The following NT5M variants were observed in gnomAD, a reference collection of about 807,000 sequenced individuals.
NT5M encodes 5',3'-nucleotidase, mitochondrial.
Under a neutral mutation model 22.2 loss-of-function variants are expected in NT5M, and 22 were observed. That is an observed-to-expected ratio of 0.99 (90% CI 0.71 to 1.41). The LOEUF (loss-of-function observed/expected upper bound fraction) is 1.41. NT5M is among the 40% of genes most tolerant of loss of function. NT5M has a pLI of 0.00. For synonymous variants in NT5M, 167 were observed against 133.0 expected, an observed-to-expected ratio of 1.26 and a Z score of -1.76; for missense variants, 322 against 314.8, an observed-to-expected ratio of 1.02 and a Z score of -0.17.
chr17:17,335,627 T>C (rs963456867), intron 3 of NT5M, among the ~76,000 whole-genome samples: 1 of 151,512 alleles, frequency 6.6e-6, no homozygotes, highest in African/African-American at 2.4e-5. Context: ...CTTAGTTGTT[T>C]TAAAATGAAC....
intron 3 of NT5M, among the ~76,000 whole-genome samples, 163 bp downstream of exon 3, chr17:17,323,408 AGAT>A (rs2049197433): frequency 6.6e-6 from 1 of 152,202 alleles, no homozygotes; most frequent in African/African-American, 2.4e-5. Context: ...CTGAGGCTCT[AGAT>A]GGGGCCTCTT....
At chr17:17,310,116 G>A (rs1366599234) in intron 2 of NT5M, among the ~76,000 whole-genome samples, 5 of 152,190 alleles carry the variant, frequency 3.3e-5, no homozygotes, top group Admixed American at 2.0e-4. Flanking sequence ...GAGCCACCTC[G>A]CCCGGCCTAA....
At chr17:17,304,890 C>T (rs1356563310) in intron 1 of NT5M, among the ~76,000 whole-genome samples, 1 of 152,092 alleles carries the variant, frequency 6.6e-6, no homozygotes, top group African/African-American at 2.4e-5. Flanking sequence ...TGTTGAGGGA[C>T]AGGTGTTAAA....
chr17:17,323,266 G>T (rs2049192458), intron 3 of NT5M, 21 bp downstream of exon 3: 3 of 1,606,218 alleles, frequency 1.9e-6, no homozygotes, highest in Non-Finnish European at 8.5e-7. Context: ...CGTCTGCTCA[G>T]CTGAGCCCTT....
intron 2 of NT5M, among the ~76,000 whole-genome samples, chr17:17,321,622 T>C (rs2049153589): frequency 6.6e-6 from 1 of 151,822 alleles, no homozygotes; most frequent in Admixed American, 6.6e-5. Flanking sequence ...GTGTCAGGAA[T>C]TGAAGGTGAA....
intron 3 of NT5M, among the ~76,000 whole-genome samples, chr17:17,338,375 T>G (rs557203232): frequency 2.9e-4 from 44 of 151,992 alleles, no homozygotes; most frequent in African/African-American, 1.0e-3. Flanking sequence ...GTATTTTTAG[T>G]AGAGATGGGG....
chr17:17,345,129 C>T (rs2049731275), intron 4 of NT5M: 1 of 999,098 alleles, frequency 1.0e-6, no homozygotes, highest in Non-Finnish European at 1.4e-6. Flanking sequence ...CTAGGGTTAG[C>T]TTGAGGGGTG....
intron 2 of NT5M, among the ~76,000 whole-genome samples, chr17:17,317,055 G>GTTTTTTT (rs34446504): frequency 6.8e-5 from 9 of 132,208 alleles, no homozygotes; most frequent in East Asian, 2.3e-4. Flanking sequence ...TTTTGTTTTT[G>GTTTTTTT]TTTTTTTTTT....
chr17:17,345,571 G>A (rs1400127890), intron 4 of NT5M, among the ~76,000 whole-genome samples: 1 of 150,854 alleles, frequency 6.6e-6, no homozygotes. Flanking sequence ...TGAAGTGGAA[G>A]GATTGTTTGA....
chr17:17,332,569 G>A (rs143165034), intron 3 of NT5M, among the ~76,000 whole-genome samples: 2 of 152,226 alleles, frequency 1.3e-5, no homozygotes, highest in East Asian at 1.9e-4. Context: ...CGACAGCACC[G>A]CTTTATGCTT....
intron 2 of NT5M, among the ~76,000 whole-genome samples, chr17:17,308,195 A>G (rs1428629926): frequency 2.6e-5 from 4 of 152,320 alleles, no homozygotes; most frequent in African/African-American, 7.2e-5. Flanking sequence ...GTTCTGGTGA[A>G]ATGAGTAGTT....
chr17:17,304,197 C>A (rs1425518669), intron 1 of NT5M, among the ~76,000 whole-genome samples: 1 of 151,894 alleles, frequency 6.6e-6, no homozygotes, highest in Non-Finnish European at 1.5e-5. Context: ...TCTTTGTCCC[C>A]AGGACTTTGA....
intron 2 of NT5M, among the ~76,000 whole-genome samples, chr17:17,322,905 G>C (rs977122717): frequency 2.6e-5 from 4 of 152,190 alleles, no homozygotes; most frequent in African/African-American, 9.7e-5. Flanking sequence ...CTTCCTCATA[G>C]ATTTCTTGAC....
At chr17:17,338,886 C>A (rs1164792280) in intron 3 of NT5M, among the ~76,000 whole-genome samples, 1 of 151,848 alleles carries the variant, frequency 6.6e-6, no homozygotes, top group South Asian at 2.1e-4. Flanking sequence ...GCCACCACGC[C>A]CAGCTAATTT....
At chr17:17,324,098 C>G (rs1456710274) in intron 3 of NT5M, among the ~76,000 whole-genome samples, 2 of 151,708 alleles carry the variant, frequency 1.3e-5, no homozygotes, top group Non-Finnish European at 2.9e-5. Flanking sequence ...TGGTCTCGAA[C>G]TCCTGAGCTC....
chr17:17,337,404 A>ATTTTTT (rs112137876), intron 3 of NT5M, among the ~76,000 whole-genome samples: 1 of 142,388 alleles, frequency 7.0e-6, no homozygotes, highest in Non-Finnish European at 1.5e-5. Flanking sequence ...ACCAAGCCTA[A>ATTTTTT]TTTTTTTTTT....
At chr17:17,326,283 T>G (rs974737012) in intron 3 of NT5M, among the ~76,000 whole-genome samples, 2 of 152,232 alleles carry the variant, frequency 1.3e-5, no homozygotes, top group Admixed American at 6.5e-5. Flanking sequence ...TTACCAGGTC[T>G]GACGCTTGGC....
In NT5M at chr17:17,303,814, G is replaced by C; in HGVS notation, c.264G>C (p.Leu88=). 1 of 1,464,488 alleles carries C rather than the reference G, an allele frequency of 6.8e-7. No individual in the cohort carries two copies. Among genetic ancestry groups the C allele is most frequent in the Non-Finnish European group, 9.1e-7 (1 of 1,096,356 alleles). The allele number at this position is 1,464,488 out of a possible 1,614,324, so 90.7% of individuals were successfully genotyped here. Residue 88 remains leucine, a synonymous_variant, in exon 1 of 5, where the codon CTG becomes CTC. Transcript: ENST00000389022. ...AGTACGGCCGCCTGCGGCCAGGGCT[G>C]AGCGTGAGCGTCCCCGCCCCGCCCC... ...SEQYGRLRPG[L]SEKAISIWES...
At chr17:17,313,488 A>T (rs1449601497) in intron 2 of NT5M, among the ~76,000 whole-genome samples, 1 of 152,178 alleles carries the variant, frequency 6.6e-6, no homozygotes, top group African/African-American at 2.4e-5. Flanking sequence ...GGGACTCGTC[A>T]GTAACTGAGT....
Sources: gnomAD v4.1 joint callset for allele counts (sites outside exome capture counted in the v4.1 genomes callset) on GRCh38, gnomAD v4.1.1 for gene constraint, MANE v1.5 for transcripts, NCBI Gene and HGNC (gene_info 2026-07-23, HGNC 2026-07-21) for gene names.